KDM2A: variants seen among roughly 807,000 people sequenced by gnomAD.
The protein encoded by KDM2A is lysine demethylase 2A, also known as lysine-specific demethylase 2A.
In KDM2A, 3 loss-of-function variants were observed where a neutral mutation model predicts 137.3. That is an observed-to-expected ratio of 0.02 (90% confidence interval 0.01 to 0.06). The LOEUF is 0.06. KDM2A is among the 10% of genes least tolerant of loss of function. KDM2A has a pLI of 1.00. For missense variants in KDM2A, 738 were observed against 1,510.6 expected, an observed-to-expected ratio of 0.49 and a Z score of 8.48; for synonymous variants, 512 against 541.5, an observed-to-expected ratio of 0.95 and a Z score of 0.76.
At chr11:67,208,273 A>G (rs1213550781) in intron 6 of KDM2A, among the ~76,000 whole-genome samples, 2 of 151,522 alleles carry the variant, frequency 1.3e-5, no homozygotes, top group Non-Finnish European at 2.9e-5. Flanking sequence ...GGGTCTCACA[A>G]TTTTGTCCAG....
At chr11:67,160,165 T>C (rs1392669964) in intron 2 of KDM2A, among the ~76,000 whole-genome samples, 2 of 152,158 alleles carry the variant, frequency 1.3e-5, no homozygotes, top group African/African-American at 4.8e-5. Flanking sequence ...CTTCCTGAAA[T>C]AAAATTCTAT....
At chr11:67,155,559 C>T (rs562016227) in intron 2 of KDM2A, among the ~76,000 whole-genome samples, 1 of 152,248 alleles carries the variant, frequency 6.6e-6, no homozygotes, top group South Asian at 2.1e-4. Context: ...CTGCCTCAGC[C>T]TCTCAGGTTG....
At position 67,141,682 on chromosome 11, in the gene KDM2A, AATATAT is replaced by A. The variant is rs200949810; in HGVS notation, c.42+20344_42+20349del. Among the ~76,000 whole-genome samples the A allele has an allele frequency of 1.3e-3, 157 of 119,320 alleles. 6 individuals carry two copies. Among genetic ancestry groups the A allele is most frequent in the Middle Eastern group, 8.8e-3 (2 of 226 alleles). 78.3% of individuals were successfully genotyped at this position (119,320 alleles called of 152,430 possible). On this transcript the variant is annotated intron_variant, in intron 2 of 20. Transcript: ENST00000529006. The stretch of plus-strand genomic sequence containing the variant: ...ACTCGTTCCAAAAAAAAAAAAAAAA[AATATAT>A]ATATATATATATATATATAAAATTC...
chr11:67,235,816 C>T (rs796722838), intron 12 of KDM2A, among the ~76,000 whole-genome samples: 12 of 151,898 alleles, frequency 7.9e-5, no homozygotes, highest in African/African-American at 2.9e-4. Context: ...GACGGGGTTT[C>T]ACCATGTTGG....
chr11:67,170,765 A>G (rs946360930), intron 2 of KDM2A, among the ~76,000 whole-genome samples: 4 of 151,996 alleles, frequency 2.6e-5, no homozygotes, highest in Non-Finnish European at 5.9e-5. Context: ...TGGTCCCACC[A>G]CTACACCTTC....
rs555657278 is a variant in KDM2A at position 67,252,924 on chromosome 11, A to G, written c.2932+67A>G. The G allele has an allele frequency of 7.3e-6, 11 of 1,511,480 alleles. No individual in the cohort carries two copies. In the South Asian group the frequency reaches 1.1e-4, roughly 16 times the overall value. 93.6% of individuals were successfully genotyped at this position (1,511,480 alleles called of 1,614,324 possible). A position where few individuals can be genotyped will look rare whatever the true frequency, so the allele number is the denominator to read the frequency against. On this transcript the variant is annotated intron_variant, in intron 18 of 20. Transcript: ENST00000529006. Reference sequence around the variant, plus strand: ...AGAAGCGGGCAAGAAAAGTTGCATTATTGGCAGTGCTTCTTAGCATCACTG... The same window carrying G: ...AGAAGCGGGCAAGAAAAGTTGCATTGTTGGCAGTGCTTCTTAGCATCACTG...
rs1859586406 is a variant in KDM2A, at chr11:67,255,755, G to A, written c.*700G>A. On this transcript the variant is annotated 3_prime_UTR_variant, in exon 21 of 21. Coordinates refer to ENST00000529006, the MANE Select transcript of KDM2A (RefSeq NM_012308.3). ...TATGAGGTCCTTATTGCACTTATTG[G>A]GGTTGAAGCTCTTCAGAGGAGCTGG... 1 of 351,402 alleles carries A rather than the reference G, an allele frequency of 2.8e-6. No individual in the cohort carries two copies. The highest frequency in any genetic ancestry group is 2.1e-5 in the African/African-American group (1 of 46,620). 21.8% of individuals were successfully genotyped at this position (351,402 alleles called of 1,614,324 possible).
chr11:67,224,453 A>T (rs1590803269), intron 10 of KDM2A, among the ~76,000 whole-genome samples: 1 of 131,766 alleles, frequency 7.6e-6, no homozygotes, highest in African/African-American at 2.9e-5. Context: ...CCAAAAATTA[A>T]CCCCTTTCTT....
intron 5 of KDM2A, among the ~76,000 whole-genome samples, chr11:67,201,102 G>T (rs906249017): frequency 1.4e-4 from 21 of 151,804 alleles, no homozygotes; most frequent in Non-Finnish European, 2.6e-4. Flanking sequence ...GCTGAGGCAG[G>T]AGAATGGCGT....
intron 10 of KDM2A, among the ~76,000 whole-genome samples, chr11:67,225,000 C>A (rs373354915): frequency 2.1e-4 from 32 of 151,910 alleles, no homozygotes; most frequent in African/African-American, 7.0e-4. Context: ...CACCACCACG[C>A]TAATTTTTGT....
chr11:67,124,614 CTT>C (rs34517858), intron 2 of KDM2A, among the ~76,000 whole-genome samples: 12 of 112,666 alleles, frequency 1.1e-4, no homozygotes, highest in South Asian at 9.2e-4. Context: ...GCCTGGCCCA[CTT>C]TTTTTTTTTT....
At chr11:67,169,587 G>C (rs1458424526) in intron 2 of KDM2A, among the ~76,000 whole-genome samples, 1 of 151,056 alleles carries the variant, frequency 6.6e-6, no homozygotes, top group Non-Finnish European at 1.5e-5. Context: ...TGTTGGCCAG[G>C]CTGCTCTTGA....
At chr11:67,223,405 T>G (rs976623050) in intron 10 of KDM2A, among the ~76,000 whole-genome samples, 2 of 151,514 alleles carry the variant, frequency 1.3e-5, no homozygotes, top group African/African-American at 4.8e-5. Flanking sequence ...ATTTATTTAT[T>G]TATTTATTTA....
chr11:67,121,380 C>T, intron 2 of KDM2A, 22 bp downstream of exon 2: 3 of 1,608,196 alleles, frequency 1.9e-6, no homozygotes, highest in Non-Finnish European at 2.6e-6. Context: ...CTCCCCCCAC[C>T]ACACCCTCCA....
At chr11:67,183,684 CAT>C (rs780992130) in intron 5 of KDM2A, among the ~76,000 whole-genome samples, 6 of 152,160 alleles carry the variant, frequency 3.9e-5, no homozygotes, top group Non-Finnish European at 8.8e-5. Flanking sequence ...AGCAGCTGTG[CAT>C]ATGTTTCCCC....
rs1215141291 is a variant in KDM2A, at chr11:67,212,234, T to A, written c.487-3106T>A. Among the ~76,000 whole-genome samples the A allele has an allele frequency of 2.0e-5, 3 of 152,286 alleles. No homozygotes were observed. The East Asian group carries it at 5.8e-4, about 29-fold the overall frequency. The stretch of plus-strand genomic sequence containing the variant: ...ATTAGGGGAAGCTCTTTGGAGGAAG[T>A]GGTGCCTAATGTTGACATAAAAGAA... On this transcript the variant is annotated intron_variant, in intron 6 of 20. Coordinates refer to ENST00000529006, the MANE Select transcript of KDM2A (RefSeq NM_012308.3).
intron 2 of KDM2A, chr11:67,143,371 G>A (rs913968687): frequency 6.6e-6 from 1 of 151,930 alleles, no homozygotes; most frequent in South Asian, 2.1e-4. Flanking sequence ...CACTAGCATC[G>A]GTATGAAATA....
At chr11:67,247,057 A>ATTTTT (rs1565424080) in intron 15 of KDM2A, among the ~76,000 whole-genome samples, 5 of 22,614 alleles carry the variant, frequency 2.2e-4, no homozygotes, top group African/African-American at 7.6e-4. Context: ...ATATATATAT[A>ATTTTT]TATATATATA....
At chr11:67,157,520 G>A (rs1351735867) in intron 2 of KDM2A, among the ~76,000 whole-genome samples, 2 of 151,436 alleles carry the variant, frequency 1.3e-5, no homozygotes, top group African/African-American at 4.9e-5. Flanking sequence ...CGAGGGGGGC[G>A]GATCACCTGA....
Sources: allele counts gnomAD v4.1 joint callset (sites outside exome capture counted in the v4.1 genomes callset), GRCh38; gene constraint gnomAD v4.1.1; transcripts MANE v1.5; gene names NCBI Gene and HGNC (gene_info 2026-07-23, HGNC 2026-07-21).